The following SCFD2 variants were observed in gnomAD, a reference collection of about 807,000 sequenced individuals.
SCFD2 encodes sec1 family domain-containing protein 2.
SCFD2 carries 54 observed loss-of-function variants against 58.9 expected under a neutral mutation model. The ratio of observed to expected loss-of-function variants is 0.92; its 90% CI spans 0.74 to 1.15. SCFD2 has a LOEUF of 1.15. Ranked by LOEUF, SCFD2 falls within the 50% of genes most tolerant of loss-of-function variation. The pLI is 0.00. For missense variants in SCFD2, 805 were observed against 836.6 expected (o/e 0.96, Z 0.47); for synonymous variants, 321 against 335.9 (o/e 0.96, Z 0.49).
chr4:53,106,794 AAC>A (rs558070279), intron 5 of SCFD2, among the ~76,000 whole-genome samples: 18 of 152,236 alleles, frequency 1.2e-4, no homozygotes, highest in Non-Finnish European at 2.4e-4. Context: ...CAAGTTGGAA[AAC>A]ACTGTTCAGG....
At chr4:53,026,551 T>A (rs112681320) in intron 5 of SCFD2, among the ~76,000 whole-genome samples, 1 of 152,234 alleles carries the variant, frequency 6.6e-6, no homozygotes, top group Admixed American at 6.5e-5. Flanking sequence ...AGAGCCATGT[T>A]TGAAGATTAG....
chr4:53,342,735 G>C (rs975802050), intron 2 of SCFD2, among the ~76,000 whole-genome samples: 2 of 152,134 alleles, frequency 1.3e-5, no homozygotes, highest in Admixed American at 6.5e-5. Context: ...AAATGTAAAA[G>C]AACAGAAATT....
intron 5 of SCFD2, among the ~76,000 whole-genome samples, chr4:53,062,408 A>G (rs911193799): frequency 5.9e-5 from 9 of 151,704 alleles, no homozygotes; most frequent in Non-Finnish European, 1.3e-4. Context: ...AATAATAATA[A>G]TAATAATAGT....
At position 53,365,325 on chromosome 4, in the gene SCFD2, G is replaced by A; in HGVS notation, c.617C>T (p.Thr206Ile). 1 of 1,614,228 alleles carries A rather than the reference G, an allele frequency of 6.2e-7. No homozygotes were observed. Residue 206 changes from threonine (T) to isoleucine (I), a missense_variant, in exon 1 of 9, where the codon ACT (threonine) becomes ATT (isoleucine). Coordinates refer to ENST00000401642, the MANE Select transcript of SCFD2 (RefSeq NM_152540.4). This position sits in a 1 kb window ranked among gnomAD's most constrained non-coding sequence, Gnocchi z 4.3. Reference protein sequence around the residue: ...KLGSLGDVDSTTLTPELLLQI... With the variant: ...KLGSLGDVDSITLTPELLLQI... ...CAGCAGCAGCTCTGGGGTTAGCGTA[G>A]TGGAGTCCACATCACCCAGGCTTCC... is the stretch of plus-strand genomic sequence containing the variant.
chr4:53,105,853 C>A (rs1329076901), intron 5 of SCFD2, among the ~76,000 whole-genome samples: 1 of 152,144 alleles, frequency 6.6e-6, no homozygotes, highest in African/African-American at 2.4e-5. Context: ...GACAGACTGC[C>A]TCCTCAATTG....
At chr4:53,336,520 A>ATTAG (rs1560454287) in intron 2 of SCFD2, among the ~76,000 whole-genome samples, 8 of 150,766 alleles carry the variant, frequency 5.3e-5, no homozygotes, top group Non-Finnish European at 1.2e-4. Context: ...TTCTTCCTTT[A>ATTAG]TTATTTATTT....
chr4:53,191,106 G>A (rs1727878952), intron 4 of SCFD2, among the ~76,000 whole-genome samples: 1 of 152,068 alleles, frequency 6.6e-6, no homozygotes, highest in Non-Finnish European at 1.5e-5. Flanking sequence ...CCAGCACTTT[G>A]GGAGGCTGAG....
At chr4:53,356,427 A>G (rs1734400112) in intron 1 of SCFD2, among the ~76,000 whole-genome samples, 1 of 152,108 alleles carries the variant, frequency 6.6e-6, no homozygotes, top group African/African-American at 2.4e-5. Flanking sequence ...GAATTTGTAG[A>G]CATATATAGA....
chr4:53,151,326 T>C (rs914071378), intron 4 of SCFD2, among the ~76,000 whole-genome samples: 3 of 152,218 alleles, frequency 2.0e-5, no homozygotes, highest in Non-Finnish European at 2.9e-5. Context: ...TGTTTTGATA[T>C]AAATGGGCTT....
chr4:52,986,491 A>ATTTTTTTTTTTTTTTTTTTTTTTTTT (rs369944739), intron 5 of SCFD2, among the ~76,000 whole-genome samples: 1 of 84,924 alleles, frequency 1.2e-5, no homozygotes, highest in Non-Finnish European at 2.1e-5. Flanking sequence ...TCTTCATGAA[A>ATTTTTTTTTTTTTTTTTTTTTTTTTT]TTTTTTTTTT....
At chr4:53,096,751 G>C (rs1724649786) in intron 5 of SCFD2, among the ~76,000 whole-genome samples, 1 of 152,068 alleles carries the variant, frequency 6.6e-6, no homozygotes, top group African/African-American at 2.4e-5. Flanking sequence ...GGCTTTTGTT[G>C]CCATTGCTTT....
At chr4:53,212,928 C>T (rs1728668749) in intron 4 of SCFD2, among the ~76,000 whole-genome samples, 1 of 151,688 alleles carries the variant, frequency 6.6e-6, no homozygotes, top group African/African-American at 2.4e-5. Flanking sequence ...AAATTCTACA[C>T]ATGAGAGAAA....
At chr4:53,330,639 T>A (rs1176180249) in intron 2 of SCFD2, among the ~76,000 whole-genome samples, 4 of 151,410 alleles carry the variant, frequency 2.6e-5, no homozygotes, top group Non-Finnish European at 2.9e-5. Flanking sequence ...CGCTGCAAAA[T>A]CATGCCAAAA....
chr4:53,181,903 T>C (rs1297396762), intron 4 of SCFD2, among the ~76,000 whole-genome samples: 1 of 152,136 alleles, frequency 6.6e-6, no homozygotes, highest in Admixed American at 6.5e-5. Context: ...CCACTCACAA[T>C]TGCTTCAAAG....
intron 4 of SCFD2, among the ~76,000 whole-genome samples, chr4:53,201,814 A>T (rs1460903866): frequency 6.6e-6 from 1 of 152,190 alleles, no homozygotes; most frequent in Non-Finnish European, 1.5e-5. Flanking sequence ...TTGGCTACAT[A>T]AATGTCTTCT....
rs1050113997 is a variant in SCFD2 at position 53,320,310 on chromosome 4, A to G, written c.1008-6547T>C. Among the ~76,000 whole-genome samples the G allele has an allele frequency of 2.9e-4, 44 of 152,316 alleles. 1 individual carries two copies. Among genetic ancestry groups the G allele is most frequent in the African/African-American group, 1.0e-3 (43 of 41,580 alleles). ...ATTTCTGAGATTCCTTGGGTCCCCA[A>G]CAAGCTATATTTATAAGGTTTCCAG... is the stretch of plus-strand genomic sequence containing the variant. On this transcript the variant is annotated intron_variant, in intron 2 of 8. Coordinates refer to ENST00000401642, the MANE Select transcript of SCFD2 (RefSeq NM_152540.4).
chr4:53,194,740 C>G (rs1560379053), intron 4 of SCFD2, among the ~76,000 whole-genome samples: 1 of 152,130 alleles, frequency 6.6e-6, no homozygotes, highest in Non-Finnish European at 1.5e-5. Context: ...TATCAGCCTC[C>G]TAAACCAAAG....
chr4:53,030,412 T>G (rs1337723195), intron 5 of SCFD2, among the ~76,000 whole-genome samples: 1 of 151,360 alleles, frequency 6.6e-6, no homozygotes, highest in Non-Finnish European at 1.5e-5. Flanking sequence ...ACAGACACTT[T>G]GGAAAAAAAT....
intron 4 of SCFD2, among the ~76,000 whole-genome samples, chr4:53,236,648 GTTT>G (rs949851261): frequency 2.7e-5 from 4 of 148,232 alleles, no homozygotes; most frequent in African/African-American, 4.9e-5. Flanking sequence ...TGTCTGGCAT[GTTT>G]TTTTTTAATC....
Sources: gnomAD v4.1 joint callset for allele counts (sites outside exome capture counted in the v4.1 genomes callset) on GRCh38, gnomAD v4.1.1 for gene constraint, Gnocchi (gnomAD v3.1) non-coding constraint, MANE v1.5 for transcripts, NCBI Gene and HGNC (gene_info 2026-07-23, HGNC 2026-07-21) for gene names.